Variants in C8orf34 observed in about 807,000 individuals in gnomAD.
C8orf34 encodes uncharacterized protein C8orf34.
Under a neutral mutation model 68.3 loss-of-function variants are expected in C8orf34, and 65 were observed. That is an observed-to-expected ratio of 0.95 (90% CI 0.78 to 1.17). The LOEUF (loss-of-function observed/expected upper bound fraction) is 1.17. Among genes scored for constraint, C8orf34 ranks in the 50% most tolerant of loss-of-function variants. The probability of loss-of-function intolerance (pLI) is 0.00; values close to 1 mark genes in which losing one functional copy is unlikely to be tolerated. For synonymous variants in C8orf34, 244 were observed against 241.2 expected (o/e 1.01, Z -0.11); for missense variants, 664 against 655.4 (o/e 1.01, Z -0.14).
chr8:68,624,412 G>T lies in C8orf34; in HGVS notation c.1106-15964G>T, dbSNP rs549191951. The stretch of plus-strand genomic sequence containing the variant: ...AAAACACTAGTTTGAGAAATCATCT[G>T]TAGAAGGTGCATGTATAACACTTCA... On this transcript the variant is annotated intron_variant, in intron 7 of 13. Coordinates refer to ENST00000518698, the MANE Select transcript of C8orf34 (RefSeq NM_052958.4). 2.0e-5 allele frequency among the ~76,000 whole-genome samples: 3 copies of T among 152,260 alleles called. No individual in the cohort carries two copies. The South Asian group carries it at 6.2e-4, about 32-fold the overall frequency.
At chr8:68,747,378 T>C (rs1317082499) in intron 10 of C8orf34, among the ~76,000 whole-genome samples, 1 of 150,710 alleles carries the variant, frequency 6.6e-6, no homozygotes, top group Non-Finnish European at 1.5e-5. Flanking sequence ...TTGGAAGTTC[T>C]GGCCAGGGCA....
intron 12 of C8orf34, among the ~76,000 whole-genome samples, chr8:68,796,440 C>T (rs1824178548): frequency 6.6e-6 from 1 of 152,046 alleles, no homozygotes; most frequent in South Asian, 2.1e-4. Context: ...TTTTCAAAAT[C>T]GGGTATAGAA....
chr8:68,470,169 A>G (rs1812322502), intron 4 of C8orf34, among the ~76,000 whole-genome samples: 1 of 152,024 alleles, frequency 6.6e-6, no homozygotes, highest in Non-Finnish European at 1.5e-5. Context: ...TTGGCTTATG[A>G]TTATATTATG....
rs112048534 is a variant in C8orf34, at chr8:68,576,141, T to TACACACAC, written c.1105+43004_1105+43011dup. On this transcript the variant is annotated intron_variant, in intron 7 of 13. Coordinates refer to ENST00000518698, the MANE Select transcript of C8orf34 (RefSeq NM_052958.4). Reference sequence around the variant, plus strand: ...CTTACCACCAATTAAATATTCTTTTTACACACACACACACACACATACACA... The same window carrying TACACACAC: ...CTTACCACCAATTAAATATTCTTTTTACACACACACACACACACACACACACATACACA... 3.5e-3 allele frequency among the ~76,000 whole-genome samples: 520 copies of TACACACAC among 149,218 alleles called. 3 individuals are homozygous for TACACACAC. The highest frequency in any genetic ancestry group is 0.012 in the African/African-American group (492 of 40,678).
chr8:68,706,326 C>T (rs1821164312), intron 8 of C8orf34, among the ~76,000 whole-genome samples: 1 of 152,058 alleles, frequency 6.6e-6, no homozygotes, highest in South Asian at 2.1e-4. Context: ...GGGGACACTC[C>T]CTTATACCTA....
chr8:68,346,379 C>T (rs1322210247), intron 1 of C8orf34, among the ~76,000 whole-genome samples: 2 of 151,824 alleles, frequency 1.3e-5, no homozygotes, highest in Non-Finnish European at 2.9e-5. Flanking sequence ...AGGCACCAAC[C>T]TCCCCCATCA....
intron 6 of C8orf34, among the ~76,000 whole-genome samples, chr8:68,528,274 C>T (rs956581571): frequency 6.6e-6 from 1 of 152,114 alleles, no homozygotes; most frequent in African/African-American, 2.4e-5. Context: ...TAGACCTTCT[C>T]ATTCTCATTA....
At chr8:68,651,328 A>G (rs1286411285) in intron 8 of C8orf34, among the ~76,000 whole-genome samples, 1 of 152,196 alleles carries the variant, frequency 6.6e-6, no homozygotes, top group Non-Finnish European at 1.5e-5. Flanking sequence ...TGCAGTCTGT[A>G]CTAGTCCACT....
chr8:68,509,639 C>T (rs1814175593), intron 5 of C8orf34, among the ~76,000 whole-genome samples: 1 of 152,006 alleles, frequency 6.6e-6, no homozygotes, highest in South Asian at 2.1e-4. Flanking sequence ...TAAAGGAGTC[C>T]CAGGGATTTG....
At chr8:68,773,368 A>G (rs1245733927) in intron 10 of C8orf34, among the ~76,000 whole-genome samples, 2 of 151,848 alleles carry the variant, frequency 1.3e-5, no homozygotes, top group African/African-American at 4.8e-5. Context: ...TTTCCTCTGT[A>G]TTTTCCTCCA....
chr8:68,561,645 C>T (rs1187414384), intron 7 of C8orf34, among the ~76,000 whole-genome samples: 1 of 152,076 alleles, frequency 6.6e-6, no homozygotes, highest in Non-Finnish European at 1.5e-5. Context: ...GTATTCCCAG[C>T]TACTTGGGAG....
intron 7 of C8orf34, among the ~76,000 whole-genome samples, chr8:68,638,244 G>A (rs888626506): frequency 6.6e-6 from 1 of 151,534 alleles, no homozygotes; most frequent in Non-Finnish European, 1.5e-5. Flanking sequence ...AATTTAATTA[G>A]TATTCATTTG....
chr8:68,749,120 A>G (rs1379174201), intron 10 of C8orf34, among the ~76,000 whole-genome samples: 3 of 152,014 alleles, frequency 2.0e-5, no homozygotes, highest in African/African-American at 7.3e-5. Context: ...CATCATTCTC[A>G]GTAAACTATC....
intron 6 of C8orf34, among the ~76,000 whole-genome samples, chr8:68,525,125 G>T (rs141237240): frequency 1.1e-4 from 16 of 152,110 alleles, no homozygotes; most frequent in Non-Finnish European, 1.9e-4. Flanking sequence ...GCTCATAATT[G>T]CTTCTAACAT....
intron 12 of C8orf34, among the ~76,000 whole-genome samples, chr8:68,807,838 G>C (rs12679298): frequency 2.0e-5 from 3 of 152,146 alleles, no homozygotes; most frequent in Non-Finnish European, 2.9e-5. Flanking sequence ...AAAGAAAAAA[G>C]ATTTTAAGTT....
At chr8:68,553,404 A>C (rs964189955) in intron 7 of C8orf34, among the ~76,000 whole-genome samples, 6 of 151,418 alleles carry the variant, frequency 4.0e-5, no homozygotes, top group East Asian at 1.9e-4. Context: ...AAAAAAAAAA[A>C]AAAAAACATA....
At chr8:68,642,665 A>G (rs757917382) in intron 8 of C8orf34, among the ~76,000 whole-genome samples, 2 of 152,222 alleles carry the variant, frequency 1.3e-5, no homozygotes, top group Non-Finnish European at 2.9e-5. Flanking sequence ...AACTGAACTT[A>G]GAAAATGTGA....
At chr8:68,619,831 C>T (rs1818336280) in intron 7 of C8orf34, among the ~76,000 whole-genome samples, 1 of 152,048 alleles carries the variant, frequency 6.6e-6, no homozygotes, top group Non-Finnish European at 1.5e-5. Context: ...GGAAGGTACC[C>T]AGCTGATACA....
At chr8:68,369,474 A>G (rs1263252247) in intron 1 of C8orf34, among the ~76,000 whole-genome samples, 1 of 152,118 alleles carries the variant, frequency 6.6e-6, no homozygotes, top group Non-Finnish European at 1.5e-5. Flanking sequence ...CTTTTTAGTC[A>G]CTGGTCGTAA....
Sources: allele counts gnomAD v4.1 joint callset (sites outside exome capture counted in the v4.1 genomes callset), GRCh38; gene constraint gnomAD v4.1.1; transcripts MANE v1.5; gene names NCBI Gene and HGNC (gene_info 2026-07-23, HGNC 2026-07-21).